UNC13A: variants seen among roughly 807,000 people sequenced by gnomAD.
UNC13A encodes the protein protein unc-13 homolog A.
A neutral mutation model predicts 219.7 loss-of-function variants in UNC13A; 61 were observed. The observed-to-expected ratio is 0.28, with a 90% confidence interval of 0.23 to 0.34. The LOEUF (loss-of-function observed/expected upper bound fraction) is 0.34. Ranked by LOEUF, UNC13A falls within the 10% of genes least tolerant of loss-of-function variation. UNC13A has a pLI of 1.00. For synonymous variants in UNC13A, 920 were observed against 884.6 expected (o/e 1.04, Z -0.71); for missense variants, 1,476 against 2,270.3 (o/e 0.65, Z 7.11).
intron 28 of UNC13A, among the ~76,000 whole-genome samples, chr19:17,631,144 G>GTCCTCTCTGAGT (rs1555778832): frequency 9.4e-6 from 1 of 106,900 alleles, no homozygotes; most frequent in African/African-American, 3.7e-5. Context: ...TATTCTCTGA[G>GTCCTCTCTGAGT]CTCTTGTTTT....
At chr19:17,619,653 G>C (rs1224129271) in intron 38 of UNC13A, among the ~76,000 whole-genome samples, 1 of 151,974 alleles carries the variant, frequency 6.6e-6, no homozygotes. Context: ...GGCTGGTCTT[G>C]AATTCCTGGG....
chr19:17,613,155 C>T (rs1304739914), intron 41 of UNC13A, among the ~76,000 whole-genome samples: 1 of 152,012 alleles, frequency 6.6e-6, no homozygotes, highest in East Asian at 1.9e-4. Flanking sequence ...TCACTTGAAC[C>T]TGGGAGGCAG....
chr19:17,673,837 A>G, intron 3 of UNC13A, among the ~76,000 whole-genome samples: 1 of 151,444 alleles, frequency 6.6e-6, no homozygotes, highest in Non-Finnish European at 1.5e-5. Context: ...ATAGTGAAAC[A>G]CCATCTCTAC....
chr19:17,614,191 G>C (rs1350896152), intron 41 of UNC13A: 6 of 151,446 alleles, frequency 4.0e-5, no homozygotes, highest in Non-Finnish European at 7.4e-5. Context: ...ATTTTTAGTA[G>C]AGATGGGGTT....
In UNC13A at chr19:17,630,267, C is replaced by G; in HGVS notation, c.3547G>C (p.Ala1183Pro). Residue 1183 changes from alanine (A) to proline (P), a missense_variant, in exon 30 of 44, where the codon GCC (alanine) becomes CCC (proline). By Grantham distance (27) the Ala-to-Pro change is conservative. This residue lies in a region of UNC13A where 218 missense variants were observed against 409.4 expected (regional missense o/e 0.53). Transcript: ENST00000519716. ...TCCACCACGGAGCAGGAGAATAGGG[C>G]ATGCTCTGAGGTCTGCTGGAACTGC... ...KDGFQQTSEHALFSCSVVDVF... is the reference protein window; with the variant it reads ...KDGFQQTSEHPLFSCSVVDVF... 1 of 1,562,236 alleles carries G rather than the reference C, an allele frequency of 6.4e-7. No individual in the cohort carries two copies. Among genetic ancestry groups the G allele is most frequent in the East Asian group, 2.4e-5 (1 of 41,852 alleles).
At chr19:17,640,947 C>T (rs1403125229) in intron 21 of UNC13A, among the ~76,000 whole-genome samples, 2 of 148,812 alleles carry the variant, frequency 1.3e-5, no homozygotes, top group Admixed American at 6.7e-5. Context: ...GGCGCAATCT[C>T]GGCTCACTGC....
At chr19:17,667,782 T>A (rs2079687024) in intron 6 of UNC13A, among the ~76,000 whole-genome samples, 1 of 148,528 alleles carries the variant, frequency 6.7e-6, no homozygotes, top group South Asian at 2.2e-4. Flanking sequence ...GCTAATTTTT[T>A]TTTTTTTTTT....
chr19:17,654,268 T>C (rs762660197), intron 11 of UNC13A, among the ~76,000 whole-genome samples: 1 of 152,186 alleles, frequency 6.6e-6, no homozygotes, highest in Non-Finnish European at 1.5e-5. Context: ...TTGTTTTTCT[T>C]GTATATCACA....
At chr19:17,638,931 C>T (rs912526347) in intron 25 of UNC13A, among the ~76,000 whole-genome samples, 152 bp downstream of exon 25, 1 of 152,074 alleles carries the variant, frequency 6.6e-6, no homozygotes, top group African/African-American at 2.4e-5. Context: ...AACTCTTCTC[C>T]CTAATCCTGA....
intron 4 of UNC13A, among the ~76,000 whole-genome samples, chr19:17,671,763 G>C (rs1485586849): frequency 6.6e-6 from 1 of 152,096 alleles, no homozygotes; most frequent in Non-Finnish European, 1.5e-5. Context: ...AACAGAGTGA[G>C]ACCCTGTCTC....
intron 25 of UNC13A, among the ~76,000 whole-genome samples, chr19:17,637,979 T>C (rs2076929204): frequency 3.8e-5 from 1 of 26,630 alleles, no homozygotes; most frequent in Non-Finnish European, 7.5e-5. Context: ...CAAATGAGAG[T>C]GAGACTGATT....
In UNC13A at chr19:17,630,086, C is replaced by A. The variant is rs1036747295; in HGVS notation, c.3669+59G>T. On this transcript the variant is annotated intron_variant, in intron 30 of 43. Transcript: ENST00000519716. Reference sequence around the variant, plus strand: ...AACCTTAGCCCATCTCCAACTCAGACTTCAATTCCCTAACCCTGACCCTGT... The same window carrying A: ...AACCTTAGCCCATCTCCAACTCAGAATTCAATTCCCTAACCCTGACCCTGT... The A allele has an allele frequency of 5.2e-6, 8 of 1,525,678 alleles. No homozygotes were observed. The African/African-American group carries it at 8.3e-5, about 16-fold the overall frequency. The allele number at this position is 1,525,678 out of a possible 1,614,324, so 94.5% of individuals were successfully genotyped here. A position where few individuals can be genotyped will look rare whatever the true frequency, so the allele number is the denominator to read the frequency against.
At chr19:17,620,230 G>C (rs1315048658) in intron 38 of UNC13A, among the ~76,000 whole-genome samples, 1 of 152,100 alleles carries the variant, frequency 6.6e-6, no homozygotes, top group Admixed American at 6.5e-5. Flanking sequence ...GTCCTGGGGT[G>C]GTCTGGGGGT....
chr19:17,650,456 T>G (rs1307212709), intron 12 of UNC13A, among the ~76,000 whole-genome samples: 11 of 152,028 alleles, frequency 7.2e-5, no homozygotes, highest in Non-Finnish European at 1.5e-4. Context: ...GAGGTTGCAG[T>G]GAGTCGAGAT....
intron 1 of UNC13A, among the ~76,000 whole-genome samples, chr19:17,682,958 A>G (rs1241843804): frequency 6.6e-6 from 1 of 152,180 alleles, no homozygotes; most frequent in Non-Finnish European, 1.5e-5. Context: ...TCAGCTACTC[A>G]GGAGGCTGAG....
At position 17,627,905 on chromosome 19, in the gene UNC13A, T is replaced by C. The variant is rs781358108; in HGVS notation, c.3789A>G (p.Arg1263=). The change falls in exon 32 of 44, where the codon CGA becomes CGG. Residue 1263 remains arginine, a synonymous_variant. Coordinates refer to ENST00000519716, the MANE Select transcript of UNC13A (RefSeq NM_001080421.3). The surrounding 1 kb of genome is among the most constrained non-coding windows in gnomAD (Gnocchi z 4.7). ...CILMNNTQQL[R]VQLEKMFEAM... is the part of the protein sequence containing the mutation. ...CTTCGAACATCTTCTCCAGCTGAAC[T>C]CGTAGCTGTTGAGTGTTATTCATGA... The C allele has an allele frequency of 1.1e-5, 17 of 1,604,810 alleles. No homozygotes were observed. In the East Asian group the frequency reaches 3.8e-4, roughly 36 times the overall value.
chr19:17,671,481 A>G (rs2079786752), intron 4 of UNC13A, among the ~76,000 whole-genome samples: 1 of 152,070 alleles, frequency 6.6e-6, no homozygotes, highest in African/African-American at 2.4e-5. Flanking sequence ...ATGAATAGAC[A>G]TGACCACGGC....
chr19:17,672,198 G>A (rs1371497001), intron 4 of UNC13A, among the ~76,000 whole-genome samples, 180 bp downstream of exon 4: 1 of 152,182 alleles, frequency 6.6e-6, no homozygotes, highest in South Asian at 2.1e-4. Flanking sequence ...GGAGAGAGAG[G>A]CAGAGCAAGA....
chr19:17,630,825 A>AGTGGAGCTATGGCTGCTCTAG, intron 28 of UNC13A, 75 bp from the exon 29 acceptor site: 1 of 1,373,196 alleles, frequency 7.3e-7, no homozygotes, highest in Non-Finnish European at 1.0e-6. Context: ...GTTCTGACCC[A>AGTGGAGCTATGGCTGCTCTAG]CTAACGAGTG....
Sources: allele counts gnomAD v4.1 joint callset (sites outside exome capture counted in the v4.1 genomes callset), GRCh38; gene constraint gnomAD v4.1.1; regional missense constraint gnomAD v4.1.1; non-coding constraint Gnocchi (gnomAD v3.1); transcripts MANE v1.5; gene names NCBI Gene and HGNC (gene_info 2026-07-23, HGNC 2026-07-21).